Variants in POU6F2 observed in about 807,000 individuals in gnomAD.
POU6F2 encodes the protein POU domain, class 6, transcription factor 2.
In POU6F2, 31 loss-of-function variants were observed where a neutral mutation model predicts 71.3. That is an observed-to-expected ratio of 0.43 (90% CI 0.33 to 0.59). The LOEUF (loss-of-function observed/expected upper bound fraction) is 0.59. Among genes scored for constraint, POU6F2 ranks in the 20% least tolerant of loss-of-function variants. POU6F2 has a pLI of 0.04. For missense variants in POU6F2, 783 were observed against 856.8 expected, an observed-to-expected ratio of 0.91 and a Z score of 1.07; for synonymous variants, 347 against 355.7, an observed-to-expected ratio of 0.98 and a Z score of 0.27.
chr7:39,363,513 T>C (rs1253320751), intron 5 of POU6F2, among the ~76,000 whole-genome samples: 1 of 151,566 alleles, frequency 6.6e-6, no homozygotes, highest in Non-Finnish European at 1.5e-5. Context: ...AGTTCATCAG[T>C]GTACTGCTGG....
intron 2 of POU6F2, among the ~76,000 whole-genome samples, chr7:39,190,371 C>T (rs1315156282): frequency 2.1e-5 from 3 of 140,366 alleles, no homozygotes; most frequent in Non-Finnish European, 4.5e-5. Context: ...CTTGACCAGC[C>T]TCAGGTTTGA....
chr7:39,173,460 C>T (rs368631885), intron 2 of POU6F2, among the ~76,000 whole-genome samples: 26 of 152,300 alleles, frequency 1.7e-4, no homozygotes, highest in African/African-American at 5.8e-4. Context: ...AGATAATCCA[C>T]GGAGACAGTG....
rs111763136 is a variant in POU6F2, at chr7:39,291,309, A to G, written c.599-48333A>G. Among the ~76,000 whole-genome samples the G allele has an allele frequency of 1.2e-3, 189 of 152,350 alleles. 1 individual carries two copies. The highest frequency in any genetic ancestry group is 4.2e-3 in the African/African-American group (173 of 41,596). ...ACATTTGACCTGCTGAGGATGGCAC[A>G]TTAGATGCCAATGCATTATTTCAGG... On this transcript the variant is annotated intron_variant, in intron 4 of 9. Coordinates refer to ENST00000518318, the MANE Select transcript of POU6F2 (RefSeq NM_001370959.1).
chr7:39,350,317 A>G (rs1786116064), intron 5 of POU6F2, among the ~76,000 whole-genome samples: 1 of 152,170 alleles, frequency 6.6e-6, no homozygotes, highest in South Asian at 2.1e-4. Flanking sequence ...TAAAGAGAAC[A>G]AAGCAACATT....
At chr7:39,093,659 GA>G (rs570581591) in intron 2 of POU6F2, among the ~76,000 whole-genome samples, 1 of 151,748 alleles carries the variant, frequency 6.6e-6, no homozygotes, top group Admixed American at 6.6e-5. Flanking sequence ...CTATTAATGA[GA>G]AAAAAAGCAT....
chr7:39,264,242 G>T (rs1035159969), intron 4 of POU6F2, among the ~76,000 whole-genome samples: 3 of 152,194 alleles, frequency 2.0e-5, no homozygotes, highest in Non-Finnish European at 2.9e-5. Flanking sequence ...CTCTTAGAAT[G>T]AGGCCTGGCA....
chr7:39,325,090 C>A (rs554257532), intron 4 of POU6F2, among the ~76,000 whole-genome samples: 21 of 152,062 alleles, frequency 1.4e-4, no homozygotes, highest in Non-Finnish European at 2.9e-4. Context: ...AGCATTAACA[C>A]GAGTAACATT....
At chr7:39,075,378 G>A (rs1790976760) in intron 1 of POU6F2, among the ~76,000 whole-genome samples, 1 of 151,976 alleles carries the variant, frequency 6.6e-6, no homozygotes, top group Admixed American at 6.6e-5. Flanking sequence ...TGGATTTTTA[G>A]GAATATTAGT....
At chr7:39,445,502 G>A (rs899585965) in intron 7 of POU6F2, among the ~76,000 whole-genome samples, 1 of 152,070 alleles carries the variant, frequency 6.6e-6, no homozygotes, top group African/African-American at 2.4e-5. Flanking sequence ...TCCGTGTCTG[G>A]CAAGCTCCTG....
intron 1 of POU6F2, among the ~76,000 whole-genome samples, chr7:39,073,453 A>C (rs1790930639): frequency 6.6e-6 from 1 of 151,296 alleles, no homozygotes; most frequent in African/African-American, 2.4e-5. Flanking sequence ...AGATTTAGCT[A>C]ATCTTTCCAA....
intron 2 of POU6F2, among the ~76,000 whole-genome samples, chr7:39,087,055 C>A (rs1182452905): frequency 7.2e-6 from 1 of 138,410 alleles, no homozygotes; most frequent in Non-Finnish European, 1.6e-5. Flanking sequence ...AACAGTCAAG[C>A]ACCTGAACTT....
At chr7:39,288,215 A>G (rs557730076) in intron 4 of POU6F2, among the ~76,000 whole-genome samples, 5 of 152,262 alleles carry the variant, frequency 3.3e-5, no homozygotes, top group South Asian at 2.1e-4. Flanking sequence ...TCAGGGGACT[A>G]TTTATCCTCA....
At chr7:39,440,382 T>TTTTC (rs1788370419) in intron 7 of POU6F2, among the ~76,000 whole-genome samples, 1 of 152,206 alleles carries the variant, frequency 6.6e-6, no homozygotes, top group South Asian at 2.1e-4. Flanking sequence ...TCTTCATTCC[T>TTTTC]TTTCTTTCTT....
chr7:39,198,090 T>A lies in POU6F2; in HGVS notation c.278-6145T>A, dbSNP rs192350500. Among the ~76,000 whole-genome samples the A allele has an allele frequency of 1.8e-3, 278 of 152,308 alleles. 4 individuals carry two copies. Among genetic ancestry groups the A allele is most frequent in the African/African-American group, 6.4e-3 (264 of 41,570 alleles). ...TTTCCTGTCTCTCTGAGAAAAAGTA[T>A]TTACAGAAAATGAGACCTTTATTGG... is the stretch of plus-strand genomic sequence containing the variant. On this transcript the variant is annotated intron_variant, in intron 2 of 9. Transcript: ENST00000518318.
At chr7:39,279,771 G>A (rs1784526582) in intron 4 of POU6F2, among the ~76,000 whole-genome samples, 1 of 151,998 alleles carries the variant, frequency 6.6e-6, no homozygotes, top group African/African-American at 2.4e-5. Flanking sequence ...TTTTGAGATA[G>A]AGTTTCACTC....
chr7:39,068,109 G>A (rs1157906797), intron 1 of POU6F2, among the ~76,000 whole-genome samples: 1 of 152,084 alleles, frequency 6.6e-6, no homozygotes, highest in East Asian at 1.9e-4. Flanking sequence ...TTTTTTGATA[G>A]CCCAGCCTTA....
chr7:39,451,482 T>C lies in POU6F2; in HGVS notation c.1321-51T>C, dbSNP rs576204963. On this transcript the variant is annotated intron_variant, in intron 7 of 9. Transcript: ENST00000518318. Reference sequence around the variant, plus strand: ...TAAAACTTCTGTTCCCTGGCATTTTTCCCCTAATTTTTCATTCATTTGTGT... The same window carrying C: ...TAAAACTTCTGTTCCCTGGCATTTTCCCCCTAATTTTTCATTCATTTGTGT... The C allele has an allele frequency of 2.8e-3, 4,240 of 1,514,248 alleles. 14 individuals carry two copies. Among genetic ancestry groups the C allele is most frequent in the Non-Finnish European group, 3.4e-3 (3,788 of 1,111,350 alleles). 93.8% of individuals were successfully genotyped at this position (1,514,248 alleles called of 1,614,324 possible). A position where few individuals can be genotyped will look rare whatever the true frequency, so the allele number is the denominator to read the frequency against.
At chr7:39,231,417 G>A (rs1394844665) in intron 4 of POU6F2, among the ~76,000 whole-genome samples, 1 of 152,016 alleles carries the variant, frequency 6.6e-6, no homozygotes, top group Non-Finnish European at 1.5e-5. Flanking sequence ...TTTACTATAT[G>A]CTTTATTGAC....
chr7:39,355,574 A>G (rs1786239016), intron 5 of POU6F2, among the ~76,000 whole-genome samples: 1 of 152,116 alleles, frequency 6.6e-6, no homozygotes, highest in Admixed American at 6.5e-5. Flanking sequence ...AAGCAGGTAT[A>G]TCAGTATCCC....
Sources: gnomAD v4.1 joint callset for allele counts (sites outside exome capture counted in the v4.1 genomes callset) on GRCh38, gnomAD v4.1.1 for gene constraint, MANE v1.5 for transcripts, NCBI Gene and HGNC (gene_info 2026-07-23, HGNC 2026-07-21) for gene names.